The following ATOSA variants were observed in gnomAD, a reference collection of about 807,000 sequenced individuals.
ATOSA encodes the protein atos homolog protein A.
the ATOSA span, chr15:52,609,441 T>C: frequency 0.69 from 1,105,413 of 1,613,444 alleles, 395,134 homozygotes; most frequent in Non-Finnish European, 0.74. Flanking sequence ...GCTCCAAGTG[T>C]TGAGCAATCC....
the ATOSA span, chr15:52,611,125 C>A: frequency 6.2e-7 from 1 of 1,610,270 alleles, no homozygotes; most frequent in East Asian, 2.2e-5. Flanking sequence ...TGGCCCTAGA[C>A]ATACCTGTAG....
chr15:52,597,030 A>T, the ATOSA span, among the ~76,000 whole-genome samples: 1 of 152,220 alleles, frequency 6.6e-6, no homozygotes, highest in Non-Finnish European at 1.5e-5. Flanking sequence ...TGATCAGTGC[A>T]AACAATGGCA....
the ATOSA span, among the ~76,000 whole-genome samples, chr15:52,617,325 C>G: frequency 6.6e-6 from 1 of 152,136 alleles, no homozygotes; most frequent in South Asian, 2.1e-4. Flanking sequence ...GAGAAGGCAG[C>G]TGTCTGTGAG....
the ATOSA span, among the ~76,000 whole-genome samples, chr15:52,701,802 T>A: frequency 6.6e-6 from 1 of 152,010 alleles, no homozygotes; most frequent in Non-Finnish European, 1.5e-5. Flanking sequence ...TCTGTAACAT[T>A]TTAAGATAAA....
chr15:52,605,201 G>A, the ATOSA span: 1 of 1,611,390 alleles, frequency 6.2e-7, no homozygotes, highest in Non-Finnish European at 8.5e-7. Flanking sequence ...TCCAAGGAAT[G>A]AAAATTATGT....
chr15:52,636,252 A>G, the ATOSA span, among the ~76,000 whole-genome samples: 3 of 151,612 alleles, frequency 2.0e-5, no homozygotes, highest in Non-Finnish European at 4.4e-5. Context: ...TCAGTAAGAG[A>G]TATCTGGAAA....
At chr15:52,687,191 G>A in the ATOSA span, among the ~76,000 whole-genome samples, 1 of 152,190 alleles carries the variant, frequency 6.6e-6, no homozygotes, top group Non-Finnish European at 1.5e-5. Flanking sequence ...GGGTCACGAG[G>A]TCAGGAGATC....
At chr15:52,588,154 T>C in the ATOSA span, among the ~76,000 whole-genome samples, 1 of 152,200 alleles carries the variant, frequency 6.6e-6, no homozygotes, top group East Asian at 1.9e-4. Context: ...GTTAGGAATG[T>C]GAAATGTCTG....
the ATOSA span, among the ~76,000 whole-genome samples, chr15:52,591,871 A>T: frequency 6.6e-6 from 1 of 152,170 alleles, no homozygotes; most frequent in Non-Finnish European, 1.5e-5. Flanking sequence ...TCTTCTTTCG[A>T]TAATAACCTA....
chr15:52,661,931 C>CAAAAAAAAAAAA, the ATOSA span, among the ~76,000 whole-genome samples: 6 of 73,240 alleles, frequency 8.2e-5, no homozygotes, highest in Admixed American at 1.9e-4. Flanking sequence ...CAAGCCAGGC[C>CAAAAAAAAAAAA]AAAAAAAAAA....
the ATOSA span, among the ~76,000 whole-genome samples, chr15:52,691,450 G>T: frequency 1.3e-5 from 2 of 152,072 alleles, no homozygotes; most frequent in Admixed American, 1.3e-4. Context: ...TTAATTATCA[G>T]GTTTATATGT....
chr15:52,643,928 A>AC, the ATOSA span, among the ~76,000 whole-genome samples: 48 of 152,144 alleles, frequency 3.2e-4, no homozygotes, highest in East Asian at 1.7e-3. Context: ...AAACAAACAA[A>AC]AAAAAACAAA....
the ATOSA span, among the ~76,000 whole-genome samples, chr15:52,634,390 C>A: frequency 1.3e-5 from 2 of 150,812 alleles, no homozygotes; most frequent in Admixed American, 6.6e-5. Flanking sequence ...GGTGACAAAG[C>A]GAGGAAAAAA....
the ATOSA span, among the ~76,000 whole-genome samples, chr15:52,688,927 C>A: frequency 6.6e-6 from 1 of 152,206 alleles, no homozygotes; most frequent in Admixed American, 6.5e-5. Context: ...AGGAAGGTAG[C>A]CTGGGCCCAA....
the ATOSA span, among the ~76,000 whole-genome samples, chr15:52,607,443 A>G: frequency 1.1e-4 from 17 of 152,330 alleles, no homozygotes; most frequent in East Asian, 3.3e-3. Flanking sequence ...AGAGGAATGA[A>G]CCAAGGACTT....
the ATOSA span, among the ~76,000 whole-genome samples, chr15:52,643,998 T>C: frequency 1.3e-5 from 2 of 152,114 alleles, no homozygotes; most frequent in East Asian, 3.8e-4. Context: ...AAAAATATTA[T>C]TTGGTAGAGT....
chr15:52,630,913 A>G, the ATOSA span, among the ~76,000 whole-genome samples: 1 of 152,248 alleles, frequency 6.6e-6, no homozygotes, highest in Non-Finnish European at 1.5e-5. Context: ...TATTTGCATA[A>G]AAGTTTAAAA....
the ATOSA span, among the ~76,000 whole-genome samples, chr15:52,646,863 G>C: frequency 1.3e-5 from 2 of 152,168 alleles, no homozygotes; most frequent in African/African-American, 4.8e-5. Context: ...TAGCAAGGGG[G>C]TTGATAGCAT....
the ATOSA span, among the ~76,000 whole-genome samples, chr15:52,682,058 T>C: frequency 4.3e-3 from 649 of 152,332 alleles, 2 homozygotes; most frequent in Non-Finnish European, 7.5e-3. Flanking sequence ...TTAACCTATG[T>C]ATTCTCTAAT....
Sources: allele counts gnomAD v4.1 joint callset (sites outside exome capture counted in the v4.1 genomes callset), GRCh38; gene constraint gnomAD v4.1.1; transcripts MANE v1.5; gene names NCBI Gene and HGNC (gene_info 2026-07-23, HGNC 2026-07-21).